NISCH: variants seen among roughly 807,000 people sequenced by gnomAD.
The protein encoded by NISCH is nischarin.
NISCH carries 55 observed loss-of-function variants against 138.4 expected under a neutral mutation model. The observed-to-expected ratio is 0.40, with a 90% confidence interval of 0.32 to 0.50. The LOEUF is 0.50. NISCH is among the 20% of genes least tolerant of loss of function. The pLI is 0.71. For missense variants in NISCH, 1,643 were observed against 2,005.5 expected (o/e 0.82, Z 3.45); for synonymous variants, 860 against 861.5 (o/e 1.00, Z 0.03).
rs138175917 is a variant in NISCH at position 52,487,437 on chromosome 3, G to T, written c.1945G>T (p.Val649Leu). The T allele has an allele frequency of 3.7e-6, 6 of 1,609,132 alleles. No individual in the cohort carries two copies. In the African/African-American group the frequency reaches 8.0e-5, roughly 21 times the overall value. Reference sequence around the variant, plus strand: ...TGAGGAGGAGGAAGAAGAGGAGGACGTGGCTGAGAACCGCTACTTTGAAAT... The same window carrying T: ...TGAGGAGGAGGAAGAAGAGGAGGACTTGGCTGAGAACCGCTACTTTGAAAT... ...EDEEEEEEEDVAENRYFEMGP... is the reference protein window; with the variant it reads ...EDEEEEEEEDLAENRYFEMGP... The change falls in exon 16 of 21, where the codon GTG (valine) becomes TTG (leucine). Residue 649 changes from valine to leucine, a missense_variant. Physicochemically the swap from Val to Leu is conservative, Grantham distance 32. Transcript: ENST00000345716. This position sits in a 1 kb window ranked among gnomAD's most constrained non-coding sequence, Gnocchi z 9.1.
Position 52,487,400 on chromosome 3 carries a change from CGAGGAGGAGGAT to C in NISCH, c.1920_1931del (p.Asp640_Glu643del), listed in dbSNP as rs1252696375. 37 of 1,612,966 alleles carry C rather than the reference CGAGGAGGAGGAT, an allele frequency of 2.3e-5. No individual in the cohort carries two copies. The highest frequency in any genetic ancestry group is 3.0e-5 in the Non-Finnish European group (35 of 1,179,418). ...GGGAGGAGGGCCAGGGTGAACAGGG[CGAGGAGGAGGAT>C]GAGGAGGAGGAAGAAGAGGAGGACG... On this transcript the variant is annotated inframe_deletion, in exon 16 of 21. Transcript: ENST00000345716. The surrounding 1 kb of genome is among the most constrained non-coding windows in gnomAD (Gnocchi z 9.1).
intron 4 of NISCH, 91 bp from the exon 5 acceptor site, chr3:52,471,723 A>C: frequency 1.4e-6 from 2 of 1,436,866 alleles, no homozygotes; most frequent in Non-Finnish European, 1.9e-6. Flanking sequence ...GTGCTTGCCA[A>C]CTGCTTGTTG....
intron 8 of NISCH, 47 bp downstream of exon 8, chr3:52,476,646 A>T (rs1219119663): frequency 6.2e-7 from 1 of 1,601,140 alleles, no homozygotes; most frequent in Non-Finnish European, 8.6e-7. Flanking sequence ...GCCCCACCAA[A>T]CCCTGAGTTT....
rs774510276 is a variant in NISCH, at chr3:52,492,046, C to A, written c.4079C>A (p.Pro1360His). ...YVQAFQVGMP[P>H]PGCCRGPLRP... ...CAGGCCTTCCAGGTGGGCATGCCAC[C>A]CCCTGGGTGCTGCAGGGGCCCCCTG... is the stretch of plus-strand genomic sequence containing the variant. The change falls in exon 21 of 21, where the codon CCC becomes CAC. Residue 1360 changes from proline (P) to histidine (H), a missense_variant. Physicochemically the swap from Pro to His is moderately conservative, Grantham distance 77 (BLOSUM62 -2). Transcript: ENST00000345716. 2 of 1,613,108 alleles carry A rather than the reference C, an allele frequency of 1.2e-6. No individual in the cohort carries two copies. The highest frequency in any genetic ancestry group is 1.1e-5 in the South Asian group (1 of 91,088).
chr3:52,491,383 G>A lies in NISCH; in HGVS notation c.3774G>A (p.Leu1258=), dbSNP rs368243024. The change falls in exon 20 of 21, where the codon TTG becomes TTA. Residue 1258 remains leucine, a synonymous_variant. Transcript: ENST00000345716. ...GSTPMQVVTC[L]TRDSYLTHCF... is the part of the protein sequence containing the mutation. Reference sequence around the variant, plus strand: ...CCCCGATGCAGGTGGTCACGTGCTTGACGCGGGACAGCTACCTGACGCACT... The same window carrying A: ...CCCCGATGCAGGTGGTCACGTGCTTAACGCGGGACAGCTACCTGACGCACT... The A allele has an allele frequency of 1.8e-5, 29 of 1,612,998 alleles. No individual in the cohort carries two copies. The African/African-American group carries it at 3.5e-4, about 19-fold the overall frequency.
chr3:52,481,648 G>C, intron 13 of NISCH: 4 of 985,744 alleles, frequency 4.1e-6, no homozygotes, highest in Non-Finnish European at 4.8e-6. Flanking sequence ...TGATCAGTGA[G>C]TGAGTGAGTG....
In NISCH at chr3:52,488,497, G is replaced by T; in HGVS notation, c.3005G>T (p.Arg1002Leu). Residue 1002 changes from arginine (R) to leucine (L), a missense_variant, in exon 16 of 21, where the codon CGG becomes CTG. Coordinates refer to ENST00000345716, the MANE Select transcript of NISCH (RefSeq NM_007184.4). ...FHFLRVYNQL[R>L]ASLQDLKTVV... The stretch of plus-strand genomic sequence containing the variant: ...TTCCTGCGCGTCTACAACCAGCTGC[G>T]GGCCTCGCTGCAGGACCTGAAGACT... 6.2e-7 allele frequency: 1 copy of T among 1,613,334 alleles called. No homozygotes were observed.
At chr3:52,466,027 G>T (rs750516869) in intron 3 of NISCH, among the ~76,000 whole-genome samples, 4 of 152,220 alleles carry the variant, frequency 2.6e-5, no homozygotes, top group Non-Finnish European at 4.4e-5. Flanking sequence ...GGAATCAGGG[G>T]CTATGTTGAA....
At chr3:52,490,597 G>A (rs1707536451) in intron 18 of NISCH, 108 bp from the exon 19 acceptor site, 1 of 1,484,516 alleles carries the variant, frequency 6.7e-7, no homozygotes, top group Middle Eastern at 2.0e-4. Flanking sequence ...TTGCACGGGT[G>A]GAAGCCAGGC....
chr3:52,473,864 C>A, intron 7 of NISCH, 35 bp downstream of exon 7: 1 of 1,453,822 alleles, frequency 6.9e-7, no homozygotes, highest in Non-Finnish European at 9.6e-7. Context: ...GGGGCAATGT[C>A]TGTGGATCAG....
At position 52,491,430 on chromosome 3, in the gene NISCH, T is replaced by C. The variant is rs1002067382; in HGVS notation, c.3821T>C (p.Val1274Ala). ...LTHCFLQHLMVVLSSLERTPS... is the reference protein window; with the variant it reads ...LTHCFLQHLMAVLSSLERTPS... ...CACTGCTTCCTCCAGCACCTCATGG[T>C]CGTGCTGTCCTCTCTGGAACGCACG... Residue 1274 changes from valine to alanine, a missense_variant, in exon 20 of 21, where the codon GTC (valine) becomes GCC (alanine). By Grantham distance (64) the Val-to-Ala change is moderately conservative (BLOSUM62 0). Transcript: ENST00000345716. 3 of 1,613,348 alleles carry C rather than the reference T, an allele frequency of 1.9e-6. No individual in the cohort carries two copies. Among genetic ancestry groups the C allele is most frequent in the African/African-American group, 2.7e-5 (2 of 74,944 alleles).
Position 52,492,462 on chromosome 3 carries a change from C to T in NISCH, c.4495C>T (p.Pro1499Ser), listed in dbSNP as rs759153416. 1.2e-6 allele frequency: 2 copies of T among 1,604,872 alleles called. No individual in the cohort carries two copies. Among genetic ancestry groups the T allele is most frequent in the African/African-American group, 1.3e-5 (1 of 74,876 alleles). Residue 1499 changes from proline to serine, a missense_variant, in exon 21 of 21, where the codon CCT becomes TCT. Transcript: ENST00000345716. ...QWEALCGREL[P>S]VELTG Reference sequence around the variant, plus strand: ...GGAGGCCCTGTGTGGCCGTGAGCTGCCTGTCGAGCTCACCGGCTAGCCCAG... The same window carrying T: ...GGAGGCCCTGTGTGGCCGTGAGCTGTCTGTCGAGCTCACCGGCTAGCCCAG...
chr3:52,477,537 C>G (rs781669570), intron 8 of NISCH, 37 bp from the exon 9 acceptor site: 251 of 1,582,450 alleles, frequency 1.6e-4, no homozygotes, highest in Non-Finnish European at 2.0e-4. Flanking sequence ...GGGTCCAGCC[C>G]CCTACAGTAA....
At position 52,488,064 on chromosome 3, in the gene NISCH, G is replaced by A. The variant is rs762534373; in HGVS notation, c.2572G>A (p.Val858Ile). The change falls in exon 16 of 21, where the codon GTC becomes ATC. Residue 858 changes from valine (V) to isoleucine (I), a missense_variant. Transcript: ENST00000345716. ...CQERSQGCFP[V>I]YLVYSDKRMV... is the part of the protein sequence containing the mutation. ...GGAGCGCAGCCAGGGCTGCTTCCCC[G>A]TCTACCTGGTCTACAGTGACAAGCG... The A allele has an allele frequency of 6.8e-6, 11 of 1,612,704 alleles. No homozygotes were observed. Among genetic ancestry groups the A allele is most frequent in the South Asian group, 2.2e-5 (2 of 91,070 alleles).
Position 52,492,745 on chromosome 3 carries a change from TGGG to T in NISCH, c.*264_*266del, listed in dbSNP as rs1245680129. 4.9e-5 allele frequency: 25 copies of T among 508,954 alleles called. No homozygotes were observed. The highest frequency in any genetic ancestry group is 2.6e-4 in the South Asian group (8 of 31,326). The allele number at this position is 508,954 out of a possible 1,614,324, so 31.5% of individuals were successfully genotyped here. A position where few individuals can be genotyped will look rare whatever the true frequency, so the allele number is the denominator to read the frequency against. ...CACACCAGTGTCGTGTCTGCTGTTG[TGGG>T]ACCGTTGTTAACACGTGACACTGTG... On this transcript the variant is annotated 3_prime_UTR_variant, in exon 21 of 21. Transcript: ENST00000345716.
At chr3:52,476,012 C>T (rs1005190849) in intron 7 of NISCH, 3 of 197,534 alleles carry the variant, frequency 1.5e-5, no homozygotes, top group African/African-American at 7.0e-5. Flanking sequence ...GTGGTACACA[C>T]CTCTAGTCCC....
intron 3 of NISCH, among the ~76,000 whole-genome samples, chr3:52,460,037 T>C (rs1457425283): frequency 6.6e-6 from 1 of 151,232 alleles, no homozygotes; most frequent in African/African-American, 2.4e-5. Flanking sequence ...AAAAATTAGC[T>C]GGGTATGGTG....
At chr3:52,459,863 T>C (rs1169237768) in intron 3 of NISCH, among the ~76,000 whole-genome samples, 1 of 151,242 alleles carries the variant, frequency 6.6e-6, no homozygotes, top group African/African-American at 2.4e-5. Flanking sequence ...AGGACAACCC[T>C]AAAGTCTAGT....
rs1559620569 is a variant in NISCH, at chr3:52,457,857, G to C, written c.108G>C (p.Gln36His). 1.2e-6 allele frequency: 2 copies of C among 1,611,742 alleles called. No individual in the cohort carries two copies. The highest frequency in any genetic ancestry group is 1.7e-6 in the Non-Finnish European group (2 of 1,178,210). Residue 36 changes from glutamine to histidine, a missense_variant, in exon 2 of 21, where the codon CAG becomes CAC. By Grantham distance (24) the Gln-to-His change is conservative. Coordinates refer to ENST00000345716, the MANE Select transcript of NISCH (RefSeq NM_007184.4). The stretch of plus-strand genomic sequence containing the variant: ...TCCCCTTTTAGGTTTACATCATCCA[G>C]GTCACTGATGGCAGCCATGAGTGGA... ...LVDTYTVYII[Q>H]VTDGSHEWTV...
Sources: gnomAD v4.1 joint callset for allele counts (sites outside exome capture counted in the v4.1 genomes callset) on GRCh38, gnomAD v4.1.1 for gene constraint, Gnocchi (gnomAD v3.1) non-coding constraint, MANE v1.5 for transcripts, NCBI Gene and HGNC (gene_info 2026-07-23, HGNC 2026-07-21) for gene names.